ABLIM1: variants seen among roughly 807,000 people sequenced by gnomAD.
The protein encoded by ABLIM1 is actin binding LIM protein 1.
In ABLIM1, 40 loss-of-function variants were observed where a neutral mutation model predicts 107.0. The ratio of observed to expected loss-of-function variants is 0.37; its 90% confidence interval spans 0.29 to 0.49. The LOEUF is 0.49. ABLIM1 is among the 20% of genes least tolerant of loss of function. ABLIM1 has a pLI of 0.97. For synonymous variants in ABLIM1, 357 were observed against 357.3 expected, an observed-to-expected ratio of 1.00 and a Z score of 0.01; for missense variants, 857 against 1,008.5, an observed-to-expected ratio of 0.85 and a Z score of 2.04.
intron 1 of ABLIM1, among the ~76,000 whole-genome samples, chr10:114,746,133 T>C (rs1010270946): frequency 1.3e-5 from 2 of 152,170 alleles, no homozygotes; most frequent in Admixed American, 1.3e-4. Context: ...CCTGGCAATA[T>C]TGAAATGTAC....
At chr10:114,776,866 C>T in the ABLIM1 span, among the ~76,000 whole-genome samples, 1 of 152,312 alleles carries the variant, frequency 6.6e-6, no homozygotes, top group Non-Finnish European at 1.5e-5. Flanking sequence ...GATCCTGCCA[C>T]CTTGGCCTCC....
chr10:114,562,924 T>C (rs1167465589), intron 4 of ABLIM1, among the ~76,000 whole-genome samples: 3 of 151,962 alleles, frequency 2.0e-5, no homozygotes, highest in Non-Finnish European at 4.4e-5. Context: ...GAGAGAGAAA[T>C]ATACCAGGAG....
chr10:114,720,209 C>CT (rs1233436492), intron 1 of ABLIM1, among the ~76,000 whole-genome samples: 1 of 152,128 alleles, frequency 6.6e-6, no homozygotes, highest in Non-Finnish European at 1.5e-5. Context: ...GATCTCATTC[C>CT]TTTTTATGGC....
At chr10:114,527,803 T>C (rs922734739) in intron 6 of ABLIM1, among the ~76,000 whole-genome samples, 1 of 151,892 alleles carries the variant, frequency 6.6e-6, no homozygotes, top group Non-Finnish European at 1.5e-5. Context: ...TAGCTGGGAT[T>C]ACAGGTGTGA....
chr10:114,547,559 G>T, intron 5 of ABLIM1, 91 bp downstream of exon 5: 4 of 1,533,142 alleles, frequency 2.6e-6, no homozygotes, highest in South Asian at 2.4e-5. Flanking sequence ...CAGCACCATT[G>T]ATGGGGTGGG....
At chr10:114,630,889 T>C (rs77719648) in intron 1 of ABLIM1, among the ~76,000 whole-genome samples, 2 of 152,082 alleles carry the variant, frequency 1.3e-5, no homozygotes, top group African/African-American at 4.8e-5. Context: ...CCCTAAGACA[T>C]AATAAAAGAG....
the ABLIM1 span, among the ~76,000 whole-genome samples, chr10:114,792,950 G>A: frequency 1.6e-4 from 24 of 152,194 alleles, no homozygotes; most frequent in African/African-American, 5.3e-4. Flanking sequence ...TCTGGAGTTC[G>A]AGACAAGCCT....
At chr10:114,743,128 G>A (rs1403601101) in intron 1 of ABLIM1, among the ~76,000 whole-genome samples, 2 of 152,136 alleles carry the variant, frequency 1.3e-5, no homozygotes, top group Non-Finnish European at 2.9e-5. Flanking sequence ...ATAAGTAGTA[G>A]CATTAATACG....
chr10:114,766,899 T>C (rs2082908140), intron 1 of ABLIM1, among the ~76,000 whole-genome samples: 1 of 152,194 alleles, frequency 6.6e-6, no homozygotes, highest in Admixed American at 6.5e-5. Flanking sequence ...AGGCAGGTAG[T>C]ATCTCAGAGC....
upstream of ABLIM1, among the ~76,000 whole-genome samples, chr10:114,768,605 G>A (rs2082962360): frequency 6.6e-6 from 1 of 152,072 alleles, no homozygotes; most frequent in African/African-American, 2.4e-5. Context: ...GTCCACACGC[G>A]GGGACCGACC....
upstream of ABLIM1, among the ~76,000 whole-genome samples, chr10:114,769,889 T>C (rs949899964): frequency 3.3e-5 from 5 of 152,212 alleles, no homozygotes; most frequent in African/African-American, 1.2e-4. Context: ...TCCCTTTCAC[T>C]GTCTTTTAGG....
chr10:114,521,146 T>C (rs1473089846), intron 6 of ABLIM1, among the ~76,000 whole-genome samples: 3 of 152,224 alleles, frequency 2.0e-5, no homozygotes, highest in Non-Finnish European at 4.4e-5. Flanking sequence ...TTAGGTTTCA[T>C]TCATTTGGCA....
At chr10:114,682,996 T>C (rs1366973011) in intron 1 of ABLIM1, among the ~76,000 whole-genome samples, 1 of 152,212 alleles carries the variant, frequency 6.6e-6, no homozygotes, top group Non-Finnish European at 1.5e-5. Context: ...ATATTCTAAT[T>C]TTATCACTAG....
At chr10:114,728,106 C>A (rs1445045287) in intron 1 of ABLIM1, among the ~76,000 whole-genome samples, 2 of 152,074 alleles carry the variant, frequency 1.3e-5, no homozygotes, top group Non-Finnish European at 2.9e-5. Flanking sequence ...CGGTTCACAA[C>A]TGAGGAAAAG....
intron 4 of ABLIM1, among the ~76,000 whole-genome samples, chr10:114,556,569 G>A (rs1025920309): frequency 3.3e-5 from 5 of 152,170 alleles, no homozygotes; most frequent in Non-Finnish European, 7.3e-5. Context: ...CTTTCCTTAT[G>A]TTATTTTTGT....
At chr10:114,491,295 C>T (rs1036049350) in intron 7 of ABLIM1, among the ~76,000 whole-genome samples, 11 of 151,740 alleles carry the variant, frequency 7.2e-5, no homozygotes, top group East Asian at 5.8e-4. Flanking sequence ...AAGTCTGTGA[C>T]GTAATTCATC....
At chr10:114,542,411 A>G (rs1024091926) in intron 6 of ABLIM1, among the ~76,000 whole-genome samples, 17 of 135,998 alleles carry the variant, frequency 1.3e-4, no homozygotes, top group Non-Finnish European at 2.3e-4. Flanking sequence ...CCTTGTCTCT[A>G]AAAAAAAAAA....
chr10:114,633,618 G>C lies in ABLIM1; in HGVS notation c.244+24339C>G, dbSNP rs111450719. ...AGCTGGAGTGTAAGCACTGAAGAGC[G>C]TTTAAGCGACTTCTCTAACCTCCAT... On this transcript the variant is annotated intron_variant, in intron 1 of 22. Coordinates refer to ENST00000533213, the MANE Select transcript of ABLIM1 (RefSeq NM_002313.7). Among the ~76,000 whole-genome samples, 785 of 152,258 alleles carry C rather than the reference G, an allele frequency of 5.2e-3. 6 individuals carry two copies. The highest frequency in any genetic ancestry group is 0.018 in the African/African-American group (747 of 41,518).
chr10:114,470,667 C>G (rs1175772888), intron 10 of ABLIM1, among the ~76,000 whole-genome samples: 1 of 152,104 alleles, frequency 6.6e-6, no homozygotes. Flanking sequence ...GAGTAGCCAG[C>G]ATTTTTCTTA....
Sources: gnomAD v4.1 joint callset for allele counts (sites outside exome capture counted in the v4.1 genomes callset) on GRCh38, gnomAD v4.1.1 for gene constraint, MANE v1.5 for transcripts, NCBI Gene and HGNC (gene_info 2026-07-23, HGNC 2026-07-21) for gene names.